The following KDM4C variants were observed in gnomAD, a reference collection of about 807,000 sequenced individuals.
KDM4C encodes lysine demethylase 4C.
In KDM4C, 81 loss-of-function variants were observed where a neutral mutation model predicts 129.3. The observed-to-expected ratio is 0.63, with a 90% CI of 0.52 to 0.75. The LOEUF (loss-of-function observed/expected upper bound fraction) is 0.75, where lower values mean the gene tolerates loss of function less well. Among genes scored for constraint, KDM4C ranks in the 30% least tolerant of loss-of-function variants. The probability of loss-of-function intolerance (pLI) is 0.00; values close to 1 mark genes in which losing one functional copy is unlikely to be tolerated. For synonymous variants in KDM4C, 573 were observed against 456.1 expected (o/e 1.26, Z -3.26); for missense variants, 1,457 against 1,304.0 (o/e 1.12, Z -1.81).
chr9:6,761,182 G>T (rs1819419344), intron 1 of KDM4C, among the ~76,000 whole-genome samples: 1 of 151,500 alleles, frequency 6.6e-6, no homozygotes, highest in South Asian at 2.1e-4. Flanking sequence ...GCTAATTTTT[G>T]TATTTTTGTA....
intron 4 of KDM4C, chr9:6,835,629 T>G (rs1835742375): frequency 2.5e-6 from 2 of 813,602 alleles, no homozygotes; most frequent in African/African-American, 3.4e-5. Flanking sequence ...ACCTGACTTG[T>G]GCAGAAAACA....
intron 19 of KDM4C, among the ~76,000 whole-genome samples, chr9:7,147,915 G>C (rs1842358555): frequency 2.0e-5 from 3 of 152,200 alleles, no homozygotes; most frequent in African/African-American, 7.2e-5. Flanking sequence ...TGCCCGCTAG[G>C]CTCGTTCCGT....
intron 8 of KDM4C, among the ~76,000 whole-genome samples, chr9:6,926,326 T>C (rs889222531): frequency 1.2e-5 from 1 of 82,670 alleles, no homozygotes; most frequent in Non-Finnish European, 2.8e-5. Flanking sequence ...GAAGCAGTTG[T>C]AGAGAGATAA....
At chr9:6,997,587 T>A (rs1240765024) in intron 12 of KDM4C, among the ~76,000 whole-genome samples, 1 of 152,230 alleles carries the variant, frequency 6.6e-6, no homozygotes, top group Non-Finnish European at 1.5e-5. Flanking sequence ...GCACAAGCAG[T>A]TGCAAAATCT....
chr9:7,053,128 A>AT lies in KDM4C; in HGVS notation c.2424+3929dup, dbSNP rs146514583. Among the ~76,000 whole-genome samples, 372 of 152,354 alleles carry AT rather than the reference A, an allele frequency of 2.4e-3. 9 individuals are homozygous for AT. In the East Asian group the frequency reaches 0.025, roughly 10 times the overall value. ...CTAATAGAATGACTGGTGGGCAAGCATAAGTTTAAAATGTCTTCCATTATA... is the reference window on the plus strand; with the variant it reads ...CTAATAGAATGACTGGTGGGCAAGCATTAAGTTTAAAATGTCTTCCATTATA... On this transcript the variant is annotated intron_variant, in intron 17 of 21. Coordinates refer to ENST00000381309, the MANE Select transcript of KDM4C (RefSeq NM_015061.6).
At chr9:7,094,465 A>G (rs1395755498) in intron 17 of KDM4C, among the ~76,000 whole-genome samples, 1 of 152,160 alleles carries the variant, frequency 6.6e-6, no homozygotes, top group Non-Finnish European at 1.5e-5. Context: ...TTGAGATTGG[A>G]AACCCCAAAT....
At chr9:7,005,531 A>G (rs1311264740) in intron 12 of KDM4C, among the ~76,000 whole-genome samples, 1 of 152,038 alleles carries the variant, frequency 6.6e-6, no homozygotes, top group African/African-American at 2.4e-5. Context: ...AACTAAAGGT[A>G]AGGGGACTAG....
At chr9:6,751,007 G>C (rs1249990797) in intron 1 of KDM4C, among the ~76,000 whole-genome samples, 1 of 152,090 alleles carries the variant, frequency 6.6e-6, no homozygotes, top group African/African-American at 2.4e-5. Context: ...CTCATTCTCT[G>C]GTAAGCTAGA....
intron 5 of KDM4C, among the ~76,000 whole-genome samples, chr9:6,872,537 A>G (rs994366737): frequency 1.3e-5 from 2 of 152,202 alleles, no homozygotes; most frequent in Admixed American, 6.5e-5. Flanking sequence ...AACTTGCCTT[A>G]TGAATCCAGG....
At chr9:6,839,463 G>T (rs917294172) in intron 4 of KDM4C, among the ~76,000 whole-genome samples, 1 of 141,952 alleles carries the variant, frequency 7.0e-6, no homozygotes, top group African/African-American at 2.6e-5. Context: ...TGGTTTTAAA[G>T]TCTCAGACTC....
chr9:6,840,435 C>T (rs936941412), intron 4 of KDM4C, among the ~76,000 whole-genome samples: 5 of 151,854 alleles, frequency 3.3e-5, no homozygotes, highest in East Asian at 1.9e-4. Flanking sequence ...CTCACTCTGT[C>T]GCCCAGGCTG....
At chr9:6,729,284 C>G (rs1286587712) in intron 1 of KDM4C, among the ~76,000 whole-genome samples, 1 of 126,202 alleles carries the variant, frequency 7.9e-6, no homozygotes, top group Non-Finnish European at 1.6e-5. Context: ...CTTATGCCTG[C>G]AATCCCAGTA....
intron 17 of KDM4C, among the ~76,000 whole-genome samples, chr9:7,073,683 A>C (rs1340042848): frequency 6.6e-6 from 1 of 152,226 alleles, no homozygotes; most frequent in East Asian, 1.9e-4. Context: ...GCATTATTTC[A>C]GCCCTTGGGA....
chr9:7,161,345 C>T (rs889441597), intron 19 of KDM4C, among the ~76,000 whole-genome samples: 3 of 152,174 alleles, frequency 2.0e-5, no homozygotes, highest in African/African-American at 7.2e-5. Flanking sequence ...ACCCACTGTC[C>T]AACCAGTCCC....
intron 1 of KDM4C, among the ~76,000 whole-genome samples, chr9:6,782,387 C>G (rs1049945352): frequency 6.6e-6 from 1 of 152,190 alleles, no homozygotes; most frequent in Non-Finnish European, 1.5e-5. Context: ...CATTTCCCAT[C>G]TTCTGCTCCT....
intron 17 of KDM4C, among the ~76,000 whole-genome samples, chr9:7,093,106 A>G (rs997286959): frequency 9.9e-5 from 15 of 152,160 alleles, no homozygotes; most frequent in Admixed American, 9.2e-4. Flanking sequence ...CAGAAAAAGA[A>G]CATTTTAGGT....
chr9:6,755,909 T>C (rs117053806), upstream of KDM4C, among the ~76,000 whole-genome samples: 3,868 of 152,320 alleles, frequency 0.025, 71 homozygotes, highest in Non-Finnish European at 0.039. Context: ...TTGAAGTGTT[T>C]TGACATTTTA....
At chr9:6,916,008 G>T (rs371203604) in intron 8 of KDM4C, among the ~76,000 whole-genome samples, 3 of 152,174 alleles carry the variant, frequency 2.0e-5, no homozygotes, top group Admixed American at 1.3e-4. Flanking sequence ...TTCCAACATG[G>T]CATGAATTTG....
At chr9:7,130,353 C>A (rs750695413) in intron 19 of KDM4C, among the ~76,000 whole-genome samples, 11 of 152,172 alleles carry the variant, frequency 7.2e-5, no homozygotes, top group East Asian at 5.8e-4. Flanking sequence ...TTGAGGCTTT[C>A]CTGGAATGTC....
Sources: gnomAD v4.1 joint callset for allele counts (sites outside exome capture counted in the v4.1 genomes callset) on GRCh38, gnomAD v4.1.1 for gene constraint, MANE v1.5 for transcripts, NCBI Gene and HGNC (gene_info 2026-07-23, HGNC 2026-07-21) for gene names.